Variants in RBBP9 observed in about 807,000 individuals in gnomAD.
The protein encoded by RBBP9 is RB binding protein 9, serine hydrolase, also known as serine hydrolase RBBP9.
In RBBP9, 20 loss-of-function variants were observed where a neutral mutation model predicts 24.2. The ratio of observed to expected loss-of-function variants is 0.83; its 90% CI spans 0.58 to 1.20. The LOEUF (loss-of-function observed/expected upper bound fraction) is 1.20. RBBP9 is among the 50% of genes most tolerant of loss of function. The pLI is 0.00. For synonymous variants in RBBP9, 74 were observed against 84.6 expected (o/e 0.87, Z 0.69); for missense variants, 234 against 233.6 (o/e 1.00, Z -0.01).
rs2059853220 is a variant in RBBP9, at chr20:18,488,735, A to G, written c.*1029T>C. The G allele has an allele frequency of 1.3e-5, 2 of 152,242 alleles. 1 individual carries two copies. Among genetic ancestry groups the G allele is most frequent in the Non-Finnish European group, 2.9e-5 (2 of 68,046 alleles). 9.4% of individuals were successfully genotyped at this position (152,242 alleles called of 1,614,324 possible). On this transcript the variant is annotated 3_prime_UTR_variant, in exon 5 of 5. Coordinates refer to ENST00000337227, the MANE Select transcript of RBBP9 (RefSeq NM_006606.3). Reference sequence around the variant, plus strand: ...TTGGAACAAAATCCAAATTGTCCCCATGATTTCGTCCTTTGACATTATGTT... The same window carrying G: ...TTGGAACAAAATCCAAATTGTCCCCGTGATTTCGTCCTTTGACATTATGTT...
Position 18,486,839 on chromosome 20 carries a change from C to CA in RBBP9, c.*2924dup, listed in dbSNP as rs2059846145. 6.6e-6 allele frequency: 1 copy of CA among 152,064 alleles called. No individual in the cohort carries two copies. 9.4% of individuals were successfully genotyped at this position (152,064 alleles called of 1,614,324 possible). A position where few individuals can be genotyped will look rare whatever the true frequency, so the allele number is the denominator to read the frequency against. On this transcript the variant is annotated 3_prime_UTR_variant, in exon 5 of 5. Coordinates refer to ENST00000337227, the MANE Select transcript of RBBP9 (RefSeq NM_006606.3). The stretch of plus-strand genomic sequence containing the variant: ...ATATTCAATGATGACCACAAAGAAT[C>CA]AAACAGAAATCAGAAATGACAGTCC...
At position 18,490,445 on chromosome 20, in the gene RBBP9, AATAC is replaced by A; in HGVS notation, c.280_283del (p.Val94Ter). The stretch of plus-strand genomic sequence containing the variant: ...CAAGTCTGATGTGTACGCAGACACT[AATAC>A]AATAGCATATACTCGATGTGTTTCT... On this transcript the variant is annotated frameshift_variant, in exon 4 of 5. Transcript: ENST00000337227. LOFTEE classifies it high-confidence loss of function. The A allele has an allele frequency of 1.9e-6, 3 of 1,613,776 alleles. No homozygotes were observed. Among genetic ancestry groups the A allele is most frequent in the Non-Finnish European group, 2.5e-6 (3 of 1,179,718 alleles).
At chr20:18,494,796 T>C (rs1397399941) in intron 2 of RBBP9, among the ~76,000 whole-genome samples, 1 of 152,178 alleles carries the variant, frequency 6.6e-6, no homozygotes, top group Non-Finnish European at 1.5e-5. Context: ...AGTAGCAATA[T>C]GACATTTTTA....
At chr20:18,493,244 C>T (rs1211072113) in intron 3 of RBBP9, among the ~76,000 whole-genome samples, 5 of 152,098 alleles carry the variant, frequency 3.3e-5, no homozygotes, top group African/African-American at 9.7e-5. Flanking sequence ...GATGTGCATA[C>T]GAATCCTAAG....
At chr20:18,496,378 C>A (rs1249476910) in intron 1 of RBBP9, among the ~76,000 whole-genome samples, 2 of 152,140 alleles carry the variant, frequency 1.3e-5, no homozygotes, top group African/African-American at 4.8e-5. Context: ...GCCGACTTAC[C>A]GCCTGGTTAC....
Position 18,487,437 on chromosome 20 carries a change from A to G in RBBP9, c.*2327T>C, listed in dbSNP as rs2148872129. ...GACTTCACAGAGAACAAGGCAAAGA[A>G]TAAGTAATACAACAGCAAATTTCCA... On this transcript the variant is annotated 3_prime_UTR_variant, in exon 5 of 5. Transcript: ENST00000337227. The G allele has an allele frequency of 6.6e-6, 1 of 152,384 alleles. No homozygotes were observed. The highest frequency in any genetic ancestry group is 2.1e-4 in the South Asian group (1 of 4,832). The allele number at this position is 152,384 out of a possible 1,614,324, so 9.4% of individuals were successfully genotyped here. A position where few individuals can be genotyped will look rare whatever the true frequency, so the allele number is the denominator to read the frequency against.
chr20:18,489,466 A>G lies in RBBP9; in HGVS notation c.*298T>C, dbSNP rs989310177. 22 of 250,130 alleles carry G rather than the reference A, an allele frequency of 8.8e-5. No individual in the cohort carries two copies. The East Asian group carries it at 1.7e-3, about 19-fold the overall frequency. 15.5% of individuals were successfully genotyped at this position (250,130 alleles called of 1,614,324 possible). A position where few individuals can be genotyped will look rare whatever the true frequency, so the allele number is the denominator to read the frequency against. On this transcript the variant is annotated 3_prime_UTR_variant, in exon 5 of 5. Coordinates refer to ENST00000337227, the MANE Select transcript of RBBP9 (RefSeq NM_006606.3). ...CTATTTAATTTTACTCAGGAGTGGG[A>G]ATCAAGAAACCTGGGTTCTGTTTCT...
Position 18,497,176 on chromosome 20 carries a change from C to G in RBBP9, c.-9G>C. The G allele has an allele frequency of 6.2e-7, 1 of 1,610,584 alleles. No individual in the cohort carries two copies. The highest frequency in any genetic ancestry group is 2.2e-5 in the East Asian group (1 of 44,832). ...TTGCTAGGAGAAGCCATGAGTGCAG[C>G]GAGGCCAGAGTTCCCCAGCGCGGGT... On this transcript the variant is annotated 5_prime_UTR_variant, in exon 1 of 5. Coordinates refer to ENST00000337227, the MANE Select transcript of RBBP9 (RefSeq NM_006606.3).
rs530442924 is a variant in RBBP9, at chr20:18,497,052, C to A, written c.99+17G>T. On this transcript the variant is annotated intron_variant, in intron 1 of 4. Coordinates refer to ENST00000337227, the MANE Select transcript of RBBP9 (RefSeq NM_006606.3). Reference sequence around the variant, plus strand: ...CCTCCAGGCTGACTTCACGGAGCAGCGGCGTTGGGCGCTTACCTTCTCCAG... The same window carrying A: ...CCTCCAGGCTGACTTCACGGAGCAGAGGCGTTGGGCGCTTACCTTCTCCAG... 54 of 1,607,526 alleles carry A rather than the reference C, an allele frequency of 3.4e-5. 1 individual carries two copies. The South Asian group carries it at 5.4e-4, about 16-fold the overall frequency.
chr20:18,494,057 G>C lies in RBBP9; in HGVS notation c.149C>G (p.Ala50Gly). ...GAAGGGCAGCCAGATGCTCTCTCGTGCTGTAACTTAAGGTTCAGGGTAAAG... is the reference window on the plus strand; with the variant it reads ...GAAGGGCAGCCAGATGCTCTCTCGTCCTGTAACTTAAGGTTCAGGGTAAAG... ...LAKNMPDPIT[A>G]RESIWLPFME... Residue 50 changes from alanine to glycine, a missense_variant, in exon 3 of 5, where the codon GCA becomes GGA. Ala to Gly is a moderately conservative substitution (Grantham distance 60). Transcript: ENST00000337227. 6.2e-7 allele frequency: 1 copy of C among 1,613,122 alleles called. No homozygotes were observed. The highest frequency in any genetic ancestry group is 8.5e-7 in the Non-Finnish European group (1 of 1,179,464).
rs927206543 is a variant in RBBP9 at position 18,486,608 on chromosome 20, A to G, written c.*3156T>C. ...GAGACAAGAGACAATTTAAAATTAC[A>G]GCACCTCTGATGAATAGTTAAATGG... On this transcript the variant is annotated 3_prime_UTR_variant, in exon 5 of 5. Transcript: ENST00000337227. 1 of 152,192 alleles carries G rather than the reference A, an allele frequency of 6.6e-6. No homozygotes were observed. Among genetic ancestry groups the G allele is most frequent in the African/African-American group, 2.4e-5 (1 of 41,448 alleles). 9.4% of individuals were successfully genotyped at this position (152,192 alleles called of 1,614,324 possible).
At chr20:18,495,146 G>A (rs1439582498) in intron 2 of RBBP9, among the ~76,000 whole-genome samples, 1 of 148,884 alleles carries the variant, frequency 6.7e-6, no homozygotes, top group Non-Finnish European at 1.5e-5. Flanking sequence ...GGAATAGAAA[G>A]GGGGGAAAGG....
At chr20:18,493,889 C>A in intron 3 of RBBP9, 69 bp downstream of exon 3, 9 of 1,206,412 alleles carry the variant, frequency 7.5e-6, no homozygotes, top group Non-Finnish European at 1.1e-5. Context: ...TTAAGATATA[C>A]GCAAGGTATT....
rs1246272730 is a variant in RBBP9, at chr20:18,486,906, C to G, written c.*2858G>C. 4 of 151,278 alleles carry G rather than the reference C, an allele frequency of 2.6e-5. No homozygotes were observed. The highest frequency in any genetic ancestry group is 2.6e-4 in the Admixed American group (4 of 15,204). The allele number at this position is 151,278 out of a possible 1,614,324, so 9.4% of individuals were successfully genotyped here. On this transcript the variant is annotated 3_prime_UTR_variant, in exon 5 of 5. Coordinates refer to ENST00000337227, the MANE Select transcript of RBBP9 (RefSeq NM_006606.3). ...TAATGAATAGTTTGTGTAGATTTTC[C>G]CATGAAACACCCCTGATCTTAGTTG...
rs1224846439 is a variant in RBBP9 at position 18,489,076 on chromosome 20, A to G, written c.*688T>C. The G allele has an allele frequency of 6.6e-6, 1 of 152,102 alleles. No homozygotes were observed. Among genetic ancestry groups the G allele is most frequent in the Non-Finnish European group, 1.5e-5 (1 of 68,022 alleles). 9.4% of individuals were successfully genotyped at this position (152,102 alleles called of 1,614,324 possible). A position where few individuals can be genotyped will look rare whatever the true frequency, so the allele number is the denominator to read the frequency against. On this transcript the variant is annotated 3_prime_UTR_variant, in exon 5 of 5. Transcript: ENST00000337227. ...TGGCAACACTCTGCCCCATTTCCAC[A>G]TGGCAACAATTTAGACAGGCCATGA...
Position 18,494,035 on chromosome 20 carries a change from G to A in RBBP9, c.171C>T (p.Pro57=), listed in dbSNP as rs2059874908. ...PITARESIWL[P]FMETELHCDE... is the part of the protein sequence containing the mutation. ...CACAGTGCAGCTCTGTCTCCATGAA[G>A]GGCAGCCAGATGCTCTCTCGTGCTG... The change falls in exon 3 of 5, where the codon CCC becomes CCT. Residue 57 remains proline (P), a synonymous_variant. Transcript: ENST00000337227. 1.2e-6 allele frequency: 2 copies of A among 1,613,796 alleles called. No individual in the cohort carries two copies. The highest frequency in any genetic ancestry group is 1.7e-6 in the Non-Finnish European group (2 of 1,179,944).
chr20:18,495,395 T>C (rs2059882326), intron 2 of RBBP9, among the ~76,000 whole-genome samples: 1 of 148,674 alleles, frequency 6.7e-6, no homozygotes, highest in South Asian at 2.1e-4. Flanking sequence ...GGCAGCATGC[T>C]CGTTAAGAGT....
chr20:18,492,956 A>T (rs1002115158), intron 3 of RBBP9, among the ~76,000 whole-genome samples: 1 of 152,178 alleles, frequency 6.6e-6, no homozygotes, highest in Non-Finnish European at 1.5e-5. Context: ...GTGTACCATA[A>T]TTTTGTGGTT....
chr20:18,490,160 C>T (rs2059860070), intron 4 of RBBP9, among the ~76,000 whole-genome samples, 170 bp from the exon 5 acceptor site: 1 of 152,100 alleles, frequency 6.6e-6, no homozygotes, highest in Non-Finnish European at 1.5e-5. Context: ...CACAGTTACT[C>T]GTGAAGAGGT....
Sources: allele counts gnomAD v4.1 joint callset (sites outside exome capture counted in the v4.1 genomes callset), GRCh38; gene constraint gnomAD v4.1.1; transcripts MANE v1.5; gene names NCBI Gene and HGNC (gene_info 2026-07-23, HGNC 2026-07-21).